SLC1A6: variants seen among roughly 807,000 people sequenced by gnomAD.
The protein encoded by SLC1A6 is solute carrier family 1 member 6.
SLC1A6 carries 15 observed loss-of-function variants against 42.1 expected under a neutral mutation model. The observed-to-expected ratio is 0.36, with a 90% confidence interval of 0.24 to 0.55. The LOEUF (loss-of-function observed/expected upper bound fraction) is 0.55. Ranked by LOEUF, SLC1A6 falls within the 20% of genes least tolerant of loss-of-function variation. SLC1A6 has a pLI of 0.88. For synonymous variants in SLC1A6, 317 were observed against 319.7 expected, an observed-to-expected ratio of 0.99 and a Z score of 0.09; for missense variants, 542 against 772.5, an observed-to-expected ratio of 0.70 and a Z score of 3.54.
At chr19:14,952,786 C>T in intron 9 of SLC1A6, 142 bp downstream of exon 9, 1 of 1,045,306 alleles carries the variant, frequency 9.6e-7, no homozygotes, top group Non-Finnish European at 1.3e-6. Context: ...GATTGGAGGC[C>T]TCTCCAAGGC....
intron 1 of SLC1A6, chr19:14,978,267 T>C (rs192851825): frequency 2.9e-4 from 44 of 152,320 alleles, no homozygotes; most frequent in Admixed American, 2.6e-3. Context: ...TCGGAGCCTC[T>C]TACATCCCTA....
upstream of SLC1A6, among the ~76,000 whole-genome samples, chr19:14,982,706 G>C (rs111670513): frequency 1.3e-3 from 202 of 152,270 alleles, no homozygotes; most frequent in African/African-American, 4.4e-3. Flanking sequence ...CATTTTTTAT[G>C]TAAATCTAAA....
intron 1 of SLC1A6, among the ~76,000 whole-genome samples, chr19:14,991,977 C>A (rs1013104104): frequency 2.6e-5 from 4 of 152,130 alleles, no homozygotes; most frequent in African/African-American, 9.7e-5. Context: ...AGGTGCCTAC[C>A]ACCACGTCCA....
At chr19:14,951,583 C>T (rs1333985887) in intron 9 of SLC1A6, among the ~76,000 whole-genome samples, 1 of 151,818 alleles carries the variant, frequency 6.6e-6, no homozygotes, top group Non-Finnish European at 1.5e-5. Flanking sequence ...GTGGTGCGAT[C>T]TCGGCTCACT....
intron 3 of SLC1A6, among the ~76,000 whole-genome samples, chr19:14,969,960 C>T (rs922592789): frequency 6.6e-6 from 1 of 150,714 alleles, no homozygotes; most frequent in African/African-American, 2.5e-5. Flanking sequence ...ACCCCTGAGA[C>T]AGCAAGACAA....
At chr19:14,960,763 C>T (rs927158610) in intron 6 of SLC1A6, among the ~76,000 whole-genome samples, 1 of 152,064 alleles carries the variant, frequency 6.6e-6, no homozygotes, top group Non-Finnish European at 1.5e-5. Context: ...TTACCAGGGA[C>T]TCGCAGGAAA....
At chr19:14,966,407 C>G (rs2045574412) in intron 4 of SLC1A6, among the ~76,000 whole-genome samples, 3 of 152,012 alleles carry the variant, frequency 2.0e-5, no homozygotes, top group South Asian at 4.2e-4. Flanking sequence ...CACAACAGAA[C>G]CCTGGAGGCG....
chr19:14,968,746 T>C (rs895363988), intron 3 of SLC1A6, among the ~76,000 whole-genome samples: 1 of 151,676 alleles, frequency 6.6e-6, no homozygotes, highest in South Asian at 2.1e-4. Flanking sequence ...CAAGCAGCAC[T>C]CCACTATCCT....
rs138546585 is a variant in SLC1A6 at position 14,962,295 on chromosome 19, T to C, written c.642A>G (p.Thr214=). ...TRVVTRTMVR[T]ENGSEPGASM... ...AGGCACCCGGCTCAGACCCGTTCTCTGTCCTCACCATGGTCCTGGTTACCA... is the reference window on the plus strand; with the variant it reads ...AGGCACCCGGCTCAGACCCGTTCTCCGTCCTCACCATGGTCCTGGTTACCA... Residue 214 remains threonine, a synonymous_variant, in exon 6 of 10, where the codon ACA becomes ACG. Transcript: ENST00000594383. 79 of 1,614,150 alleles carry C rather than the reference T, an allele frequency of 4.9e-5. No individual in the cohort carries two copies. The African/African-American group carries it at 8.4e-4, about 17-fold the overall frequency.
chr19:14,972,981 G>A (rs566338346), intron 1 of SLC1A6, 64 bp from the exon 2 acceptor site: 2 of 1,306,376 alleles, frequency 1.5e-6, no homozygotes, highest in East Asian at 5.1e-5. Context: ...GTGGGCAGAT[G>A]GCGAAGGCTG....
intron 1 of SLC1A6, among the ~76,000 whole-genome samples, chr19:14,988,821 C>G (rs2045804963): frequency 6.6e-6 from 1 of 152,088 alleles, no homozygotes; most frequent in African/African-American, 2.4e-5. Flanking sequence ...AGGAGACGAC[C>G]AGCCTGGGCA....
Position 15,010,182 on chromosome 19 carries a change from T to TCAAAAA in SLC1A6, c.6+302_6+303insTTTTTG, listed in dbSNP as rs1568304819. Among the ~76,000 whole-genome samples, 191 of 34,282 alleles carry TCAAAAA rather than the reference T, an allele frequency of 5.6e-3. 2 individuals carry two copies. The highest frequency in any genetic ancestry group is 0.015 in the African/African-American group (177 of 11,984). 22.5% of individuals were successfully genotyped at this position (34,282 alleles called of 152,430 possible). On this transcript the variant is annotated intron_variant, in intron 1 of 8. Transcript: ENST00000430939. Reference sequence around the variant, plus strand: ...GCCCAGACGACAGTGCAAGACTCTATGAAAAAAAAAAAAAAGAAAGAAAGA... The same window carrying TCAAAAA: ...GCCCAGACGACAGTGCAAGACTCTATCAAAAAGAAAAAAAAAAAAAAGAAAGAAAGA...
upstream of SLC1A6, among the ~76,000 whole-genome samples, chr19:14,983,280 C>A (rs1448529877): frequency 6.6e-6 from 1 of 152,140 alleles, no homozygotes; most frequent in Non-Finnish European, 1.5e-5. Flanking sequence ...ACTTTTCTAA[C>A]TTTCATGTTT....
chr19:14,965,457 G>T (rs1178577449), intron 4 of SLC1A6, among the ~76,000 whole-genome samples: 2 of 152,166 alleles, frequency 1.3e-5, no homozygotes, highest in Non-Finnish European at 2.9e-5. Context: ...ACAATTCACA[G>T]TTGCAAAGAA....
At chr19:14,964,092 G>T in intron 5 of SLC1A6, 2 of 463,480 alleles carry the variant, frequency 4.3e-6, no homozygotes, top group Non-Finnish European at 7.8e-6. Flanking sequence ...GCCTCCCTAA[G>T]TGCTGGGATT....
chr19:14,954,411 A>C (rs1843446544), intron 7 of SLC1A6, 82 bp from the exon 8 acceptor site: 2 of 1,291,192 alleles, frequency 1.5e-6, no homozygotes, highest in Non-Finnish European at 1.1e-6. Flanking sequence ...CTAGTGGGGC[A>C]GGGCAGAGAA....
intron 4 of SLC1A6, 24 bp downstream of exon 4, chr19:14,968,279 T>C (rs1436948738): frequency 6.5e-7 from 1 of 1,550,038 alleles, no homozygotes; most frequent in Middle Eastern, 1.7e-4. Context: ...AATGTGTATA[T>C]TGTGGTTTTT....
intron 1 of SLC1A6, among the ~76,000 whole-genome samples, chr19:14,988,987 C>T (rs1347248357): frequency 6.6e-6 from 1 of 152,118 alleles, no homozygotes. Context: ...CCACTGCACT[C>T]CAGCCTGAGC....
In SLC1A6 at chr19:14,964,324, T is replaced by G; in HGVS notation, c.586A>C (p.Lys196Gln). The G allele has an allele frequency of 6.2e-7, 1 of 1,613,826 alleles. No homozygotes were observed. Among genetic ancestry groups the G allele is most frequent in the Non-Finnish European group, 8.5e-7 (1 of 1,179,796 alleles). ...ACTGTGTACTTCCCCCTGACCTGTT[T>G]GAAGCAGGCCTCCACAAGGTTTGGT... Reference protein sequence around the residue: ...FPPNLVEACFKQFKTQYSTRV... With the variant: ...FPPNLVEACFQQFKTQYSTRV... The change falls in exon 5 of 10, where the codon AAA becomes CAA. Residue 196 changes from lysine to glutamine, a missense_variant. Around this residue, in one of 6 missense-constraint regions of SLC1A6, gnomAD observed 298 missense variants for 419.4 expected, o/e 0.71. Coordinates refer to ENST00000594383, the MANE Select transcript of SLC1A6 (RefSeq NM_005071.3).
Sources: gnomAD v4.1 joint callset for allele counts (sites outside exome capture counted in the v4.1 genomes callset) on GRCh38, gnomAD v4.1.1 for gene constraint, gnomAD v4.1.1 regional missense constraint, MANE v1.5 for transcripts, NCBI Gene and HGNC (gene_info 2026-07-23, HGNC 2026-07-21) for gene names.